Variants in SND1 observed in about 807,000 individuals in gnomAD.
SND1 encodes the protein staphylococcal nuclease domain-containing protein 1.
Under a neutral mutation model 121.7 loss-of-function variants are expected in SND1, and 38 were observed. That is an observed-to-expected ratio of 0.31 (90% CI 0.24 to 0.41). The LOEUF (loss-of-function observed/expected upper bound fraction) is 0.41. SND1 is among the 10% of genes least tolerant of loss of function. The pLI, the probability that SND1 is intolerant of heterozygous loss-of-function variation, is 1.00. For synonymous variants in SND1, 401 were observed against 447.4 expected (o/e 0.90, Z 1.31); for missense variants, 868 against 1,184.6 (o/e 0.73, Z 3.92).
chr7:128,042,805 C>T (rs1330677305), intron 16 of SND1, among the ~76,000 whole-genome samples: 1 of 152,202 alleles, frequency 6.6e-6, no homozygotes, highest in Non-Finnish European at 1.5e-5. Context: ...CTGTCAGCAC[C>T]ACCACCAACC....
At chr7:127,820,482 CT>C (rs1351077667) in intron 11 of SND1, among the ~76,000 whole-genome samples, 1 of 152,164 alleles carries the variant, frequency 6.6e-6, no homozygotes, top group African/African-American at 2.4e-5. Context: ...AGTCATGTTG[CT>C]GTTCTTCGGT....
chr7:127,869,308 A>G (rs1799535118), intron 12 of SND1, among the ~76,000 whole-genome samples: 1 of 152,072 alleles, frequency 6.6e-6, no homozygotes, highest in Admixed American at 6.6e-5. Flanking sequence ...AGGTGGTGGG[A>G]GATGGGGTTA....
intron 15 of SND1, among the ~76,000 whole-genome samples, chr7:127,939,207 C>T (rs1801129537): frequency 1.3e-5 from 2 of 152,218 alleles, no homozygotes; most frequent in South Asian, 2.1e-4. Flanking sequence ...CCTGGTGGTA[C>T]GGTGTACCAT....
chr7:127,658,763 G>A (rs956711427), intron 1 of SND1, among the ~76,000 whole-genome samples: 2 of 152,248 alleles, frequency 1.3e-5, no homozygotes, highest in African/African-American at 2.4e-5. Flanking sequence ...GTGGGCAAAT[G>A]ATTTGGTGAA....
At chr7:127,734,895 TTTA>T (rs1796746688) in intron 10 of SND1, among the ~76,000 whole-genome samples, 1 of 152,100 alleles carries the variant, frequency 6.6e-6, no homozygotes, top group South Asian at 2.1e-4. Flanking sequence ...CAGTTTTGGG[TTTA>T]TTAATTTATG....
intron 16 of SND1, chr7:127,997,780 A>G (rs138739254): frequency 1.9e-6 from 1 of 534,758 alleles, no homozygotes; most frequent in Non-Finnish European, 3.8e-6. Flanking sequence ...ATACCATTAC[A>G]TTTTGTTTCT....
chr7:127,906,382 C>G (rs1341397223), intron 14 of SND1, among the ~76,000 whole-genome samples: 1 of 152,132 alleles, frequency 6.6e-6, no homozygotes, highest in African/African-American at 2.4e-5. Flanking sequence ...CTGAGTTATT[C>G]TTTGCATATA....
rs577263423 is a variant in SND1 at position 127,836,701 on chromosome 7, A to C, written c.1243-7623A>C. Reference sequence around the variant, plus strand: ...ATATCAGCAATTAACAGAAGCCTTAATTATTAACTACAAAAACAGTTATTT... The same window carrying C: ...ATATCAGCAATTAACAGAAGCCTTACTTATTAACTACAAAAACAGTTATTT... On this transcript the variant is annotated intron_variant, in intron 11 of 23. Transcript: ENST00000354725. 3.1e-4 allele frequency among the ~76,000 whole-genome samples: 47 copies of C among 152,294 alleles called. 1 individual carries two copies. The South Asian group carries it at 8.9e-3, about 29-fold the overall frequency.
chr7:127,985,848 T>C (rs1802374762), intron 15 of SND1, among the ~76,000 whole-genome samples: 3 of 152,256 alleles, frequency 2.0e-5, no homozygotes, highest in South Asian at 2.1e-4. Flanking sequence ...GCATGCCTCC[T>C]GTGCCACTGT....
intron 11 of SND1, among the ~76,000 whole-genome samples, chr7:127,819,859 A>G (rs1422306779): frequency 1.3e-5 from 2 of 152,244 alleles, no homozygotes; most frequent in Non-Finnish European, 2.9e-5. Flanking sequence ...TGTGATGGCT[A>G]TGTGTCACAC....
chr7:128,032,306 TCCCCCTCCCCCCTC>T (rs953340268), intron 16 of SND1, among the ~76,000 whole-genome samples: 8 of 143,696 alleles, frequency 5.6e-5, no homozygotes, highest in East Asian at 2.1e-4. Context: ...TCTTCCTCTC[TCCCCCTCCCCCCTC>T]CCCCCTCCCC....
Position 127,729,439 on chromosome 7 carries a change from CTTTTTTTTTTT to C in SND1, c.1152+8052_1152+8062del, listed in dbSNP as rs10712716. On this transcript the variant is annotated intron_variant, in intron 10 of 23. Transcript: ENST00000354725. ...ACCTACACTGTGTTTAGATAAATTA[CTTTTTTTTTTT>C]TTTTTTTTTTTTACATAACATTTAT... is the stretch of plus-strand genomic sequence containing the variant. Among the ~76,000 whole-genome samples, 6 of 97,334 alleles carry C rather than the reference CTTTTTTTTTTT, an allele frequency of 6.2e-5. No homozygotes were observed. In the East Asian group the frequency reaches 1.7e-3, roughly 28 times the overall value. The allele number at this position is 97,334 out of a possible 152,430, so 63.9% of individuals were successfully genotyped here. A position where few individuals can be genotyped will look rare whatever the true frequency, so the allele number is the denominator to read the frequency against.
At chr7:127,972,737 A>T (rs1802027041) in intron 15 of SND1, among the ~76,000 whole-genome samples, 1 of 151,550 alleles carries the variant, frequency 6.6e-6, no homozygotes. Context: ...GCACTATCAC[A>T]CCTGGCTAAT....
At chr7:127,923,146 G>A (rs1432626756) in intron 14 of SND1, among the ~76,000 whole-genome samples, 1 of 152,104 alleles carries the variant, frequency 6.6e-6, no homozygotes, top group Non-Finnish European at 1.5e-5. Context: ...GCACCACCAT[G>A]CTTGGCTAAT....
chr7:127,773,699 A>G (rs1307605838), intron 10 of SND1, among the ~76,000 whole-genome samples: 1 of 152,134 alleles, frequency 6.6e-6, no homozygotes, highest in Admixed American at 6.5e-5. Context: ...TCGAAAAAAA[A>G]TCTGTTGTGG....
intron 15 of SND1, among the ~76,000 whole-genome samples, chr7:127,957,636 G>T (rs1013782957): frequency 1.3e-5 from 2 of 152,142 alleles, no homozygotes; most frequent in Admixed American, 6.5e-5. Context: ...GATTTCTCAG[G>T]ATTCTTAGAC....
intron 1 of SND1, among the ~76,000 whole-genome samples, chr7:127,678,259 T>C (rs1303868859): frequency 1.3e-5 from 2 of 152,230 alleles, no homozygotes; most frequent in African/African-American, 4.8e-5. Flanking sequence ...TTTACCTCTC[T>C]TGCTCTCAGA....
At chr7:127,686,477 G>A (rs1795814247) in intron 1 of SND1, 136 bp from the exon 2 acceptor site, 1 of 871,474 alleles carries the variant, frequency 1.1e-6, no homozygotes, top group Admixed American at 3.0e-5. Context: ...TGTTTATTTA[G>A]TCATTCAACA....
intron 22 of SND1, among the ~76,000 whole-genome samples, chr7:128,090,961 C>T (rs1049582964): frequency 2.0e-5 from 3 of 152,232 alleles, no homozygotes; most frequent in African/African-American, 4.8e-5. Context: ...TTCCTTCTGC[C>T]GCAGTCCCTG....
Sources: gnomAD v4.1 joint callset for allele counts (sites outside exome capture counted in the v4.1 genomes callset) on GRCh38, gnomAD v4.1.1 for gene constraint, MANE v1.5 for transcripts, NCBI Gene and HGNC (gene_info 2026-07-23, HGNC 2026-07-21) for gene names.